The following RBFOX1 variants were observed in gnomAD, a reference collection of about 807,000 sequenced individuals.
The protein encoded by RBFOX1 is RNA binding protein fox-1 homolog 1.
RBFOX1 carries 8 observed loss-of-function variants against 57.7 expected under a neutral mutation model. The observed-to-expected ratio is 0.14, with a 90% CI of 0.08 to 0.25. The LOEUF is 0.25. Ranked by LOEUF, RBFOX1 falls within the 10% of genes least tolerant of loss-of-function variation. The pLI, the probability that RBFOX1 is intolerant of heterozygous loss-of-function variation, is 1.00. For synonymous variants in RBFOX1, 326 were observed against 222.4 expected, an observed-to-expected ratio of 1.47 and a Z score of -4.15; for missense variants, 611 against 548.5, an observed-to-expected ratio of 1.11 and a Z score of -1.14.
chr16:6,010,650 T>A (rs2094955844), intron 4 of RBFOX1, among the ~76,000 whole-genome samples: 1 of 152,204 alleles, frequency 6.6e-6, no homozygotes. Context: ...AGCAATGGTG[T>A]AGAAGAACCC....
intron 4 of RBFOX1, among the ~76,000 whole-genome samples, chr16:7,251,843 A>G (rs187225117): frequency 2.1e-4 from 32 of 152,318 alleles, no homozygotes; most frequent in Middle Eastern, 3.4e-3. Context: ...TCCTTTGGAT[A>G]TATACACAGT....
At chr16:6,286,877 G>C (rs1017843485) in intron 1 of RBFOX1, among the ~76,000 whole-genome samples, 19 of 152,130 alleles carry the variant, frequency 1.2e-4, no homozygotes, top group Non-Finnish European at 4.4e-5. Flanking sequence ...TGCAACATCT[G>C]TAAGAACAAG....
chr16:6,694,055 C>G (rs1374556303), intron 3 of RBFOX1, among the ~76,000 whole-genome samples: 1 of 152,236 alleles, frequency 6.6e-6, no homozygotes, highest in Non-Finnish European at 1.5e-5. Context: ...TATGTCACTA[C>G]TCAGATGCTG....
intron 4 of RBFOX1, among the ~76,000 whole-genome samples, chr16:7,396,356 A>T (rs941659788): frequency 6.6e-6 from 1 of 152,136 alleles, no homozygotes; most frequent in Non-Finnish European, 1.5e-5. Flanking sequence ...GCGGATTCAA[A>T]TGTAATGAGA....
intron 4 of RBFOX1, among the ~76,000 whole-genome samples, chr16:7,394,791 T>G (rs1568607352): frequency 1.3e-5 from 2 of 152,222 alleles, no homozygotes; most frequent in Admixed American, 6.5e-5. Flanking sequence ...CTGGTATAAA[T>G]GATCAGATCG....
intron 1 of RBFOX1, among the ~76,000 whole-genome samples, chr16:6,192,620 G>A (rs1225496656): frequency 6.6e-6 from 1 of 152,074 alleles, no homozygotes; most frequent in African/African-American, 2.4e-5. Context: ...TCAGAGATAC[G>A]GTGGTGGAGA....
intron 1 of RBFOX1, among the ~76,000 whole-genome samples, chr16:6,146,822 G>T (rs2152713881): frequency 6.6e-6 from 1 of 152,296 alleles, no homozygotes; most frequent in African/African-American, 2.4e-5. Flanking sequence ...TGAGCTTTAA[G>T]TGGCGATTCA....
At chr16:7,170,983 C>G (rs973963466) in intron 4 of RBFOX1, among the ~76,000 whole-genome samples, 2 of 152,206 alleles carry the variant, frequency 1.3e-5, no homozygotes, top group African/African-American at 4.8e-5. Context: ...CTAAAACACA[C>G]ACTCTCCCGT....
At chr16:6,923,259 TGTG>T (rs2074881613) in intron 3 of RBFOX1, among the ~76,000 whole-genome samples, 1 of 152,044 alleles carries the variant, frequency 6.6e-6, no homozygotes, top group South Asian at 2.1e-4. Flanking sequence ...CCTGGCCAGG[TGTG>T]GTGGCTCATG....
intron 2 of RBFOX1, among the ~76,000 whole-genome samples, chr16:6,425,629 T>C (rs1251976850): frequency 6.6e-6 from 1 of 152,184 alleles, no homozygotes; most frequent in Non-Finnish European, 1.5e-5. Flanking sequence ...GAAAATTGTT[T>C]GTTTTGAAAA....
At chr16:6,135,482 A>G (rs529522234) in intron 1 of RBFOX1, among the ~76,000 whole-genome samples, 110 of 152,258 alleles carry the variant, frequency 7.2e-4, no homozygotes, top group Non-Finnish European at 1.2e-3. Flanking sequence ...GAATCCCATC[A>G]TCATTTTGAG....
intron 4 of RBFOX1, among the ~76,000 whole-genome samples, chr16:7,202,788 C>A (rs757950381): frequency 2.0e-5 from 3 of 152,142 alleles, no homozygotes; most frequent in South Asian, 4.1e-4. Flanking sequence ...ATCCTGAAAC[C>A]ATCCCCTGCA....
At chr16:5,614,040 C>T (rs968499412) in intron 3 of RBFOX1, among the ~76,000 whole-genome samples, 2 of 151,876 alleles carry the variant, frequency 1.3e-5, no homozygotes, top group African/African-American at 4.8e-5. Context: ...TCTGTAGGAA[C>T]ACTGAGAAAG....
chr16:6,939,477 G>T (rs960297303), intron 3 of RBFOX1, among the ~76,000 whole-genome samples: 5 of 150,012 alleles, frequency 3.3e-5, no homozygotes, highest in Non-Finnish European at 4.4e-5. Flanking sequence ...GCTTTGCACA[G>T]AATTTAAATA....
intron 4 of RBFOX1, among the ~76,000 whole-genome samples, chr16:7,216,613 G>A (rs570302006): frequency 4.9e-4 from 75 of 152,176 alleles, no homozygotes; most frequent in Middle Eastern, 3.4e-3. Flanking sequence ...AGCCCAGATC[G>A]TACCGCTGTA....
chr16:5,520,609 G>T (rs889354584), intron 2 of RBFOX1, among the ~76,000 whole-genome samples: 10 of 152,200 alleles, frequency 6.6e-5, no homozygotes, highest in African/African-American at 9.6e-5. Context: ...CATGTTGAGG[G>T]AAAGGCTATG....
chr16:6,070,561 A>G (rs2095823623), intron 1 of RBFOX1, among the ~76,000 whole-genome samples: 1 of 152,212 alleles, frequency 6.6e-6, no homozygotes, highest in Non-Finnish European at 1.5e-5. Context: ...AGAAAGTAAC[A>G]CAGAATGATA....
intron 4 of RBFOX1, among the ~76,000 whole-genome samples, chr16:7,096,917 G>C (rs2061789756): frequency 8.1e-6 from 1 of 123,260 alleles, no homozygotes; most frequent in Admixed American, 1.0e-4. Flanking sequence ...GGGTGACAGA[G>C]CGAGACTCCA....
intron 4 of RBFOX1, among the ~76,000 whole-genome samples, chr16:7,334,180 A>G (rs781317648): frequency 1.5e-4 from 23 of 152,230 alleles, no homozygotes; most frequent in Non-Finnish European, 2.8e-4. Context: ...GGGTGATTAG[A>G]GTCATCTGGG....
Sources: gnomAD v4.1 joint callset for allele counts (sites outside exome capture counted in the v4.1 genomes callset) on GRCh38, gnomAD v4.1.1 for gene constraint, MANE v1.5 for transcripts, NCBI Gene and HGNC (gene_info 2026-07-23, HGNC 2026-07-21) for gene names.